The following HNMT variants were observed in gnomAD, a reference collection of about 807,000 sequenced individuals.
The protein encoded by HNMT is histamine N-methyltransferase.
HNMT carries 30 observed loss-of-function variants against 32.1 expected under a neutral mutation model. The observed-to-expected ratio is 0.93, with a 90% CI of 0.70 to 1.27. The LOEUF (loss-of-function observed/expected upper bound fraction) is 1.27, where lower values mean the gene tolerates loss of function less well. HNMT is among the 50% of genes most tolerant of loss of function. The probability of loss-of-function intolerance (pLI) is 0.00; values close to 1 mark genes in which losing one functional copy is unlikely to be tolerated. For missense variants in HNMT, 327 were observed against 346.0 expected (o/e 0.95, Z 0.43); for synonymous variants, 125 against 119.0 (o/e 1.05, Z -0.33).
At chr2:138,007,957 G>T (rs1681377375) in intron 5 of HNMT, among the ~76,000 whole-genome samples, 1 of 151,858 alleles carries the variant, frequency 6.6e-6, no homozygotes, top group South Asian at 2.1e-4. Flanking sequence ...TCAGTGCTAA[G>T]ATGCCACCTC....
intron 2 of HNMT, among the ~76,000 whole-genome samples, chr2:137,992,867 T>C (rs889397972): frequency 6.6e-6 from 1 of 151,882 alleles, no homozygotes; most frequent in African/African-American, 2.4e-5. Flanking sequence ...CCTCTTTGAG[T>C]GACATCTCCA....
chr2:137,996,479 T>C (rs971371066), intron 2 of HNMT, among the ~76,000 whole-genome samples: 1 of 151,182 alleles, frequency 6.6e-6, no homozygotes, highest in Non-Finnish European at 1.5e-5. Flanking sequence ...GCAAAGGACC[T>C]CTTCAAGGAG....
intron 4 of HNMT, chr2:138,002,837 G>A: frequency 1.1e-6 from 1 of 904,558 alleles, no homozygotes; most frequent in Non-Finnish European, 1.3e-6. Flanking sequence ...AATGGTTTGG[G>A]TGGACCAATG....
At chr2:137,968,380 C>G (rs1159241022) in intron 1 of HNMT, among the ~76,000 whole-genome samples, 2 of 152,182 alleles carry the variant, frequency 1.3e-5, no homozygotes, top group Non-Finnish European at 1.5e-5. Flanking sequence ...AAATCACTTA[C>G]ATGTACCTAG....
At chr2:137,964,730 A>T in intron 1 of HNMT, 102 bp downstream of exon 1, 1 of 1,167,128 alleles carries the variant, frequency 8.6e-7, no homozygotes, top group Non-Finnish European at 1.3e-6. Context: ...CACAGGGATA[A>T]GGGCGAATTA....
intron 2 of HNMT, among the ~76,000 whole-genome samples, chr2:137,980,743 A>G (rs192033071): frequency 6.6e-6 from 1 of 152,284 alleles, no homozygotes; most frequent in East Asian, 1.9e-4. Context: ...AAGAATTTAT[A>G]TTTATAACCC....
chr2:137,981,165 T>C (rs774968668), intron 2 of HNMT: 1 of 1,567,602 alleles, frequency 6.4e-7, no homozygotes, highest in Non-Finnish European at 8.7e-7. Context: ...TGAAATCGAA[T>C]GGCAGGAGAT....
Position 138,001,006 on chromosome 2 carries a change from A to G in HNMT, c.279A>G (p.Glu93=), listed in dbSNP as rs1264859183. 6.2e-7 allele frequency: 1 copy of G among 1,603,430 alleles called. No homozygotes were observed. Among genetic ancestry groups the G allele is most frequent in the Admixed American group, 1.7e-5 (1 of 59,064 alleles). ...ATGAAGTTGTTGAGCCAAGTGCTGAACAAATTGCCAAATACAAAGGTACCT... is the reference window on the plus strand; with the variant it reads ...ATGAAGTTGTTGAGCCAAGTGCTGAGCAAATTGCCAAATACAAAGGTACCT... The part of the protein sequence containing the change: ...INNEVVEPSA[E]QIAKYKELVA... Residue 93 remains glutamate (E), a synonymous_variant, in exon 3 of 6, where the codon GAA becomes GAG. Coordinates refer to ENST00000280097, the MANE Select transcript of HNMT (RefSeq NM_006895.3).
intron 2 of HNMT, among the ~76,000 whole-genome samples, chr2:137,993,263 A>C (rs1000793201): frequency 6.6e-6 from 1 of 152,198 alleles, no homozygotes. Context: ...CACTGATCTA[A>C]AGGAGCATGT....
chr2:137,976,286 A>C (rs1680287650), intron 2 of HNMT, among the ~76,000 whole-genome samples: 1 of 151,748 alleles, frequency 6.6e-6, no homozygotes. Flanking sequence ...AAAACAAAAA[A>C]AAAAAAACCT....
At chr2:137,984,892 T>A (rs146277610) in intron 2 of HNMT, among the ~76,000 whole-genome samples, 13 of 152,226 alleles carry the variant, frequency 8.5e-5, no homozygotes, top group African/African-American at 3.1e-4. Flanking sequence ...AAATACCCTA[T>A]GAAAAGCATG....
chr2:137,998,718 TATTTTGCCAACCAGGCCA>T (rs1681070831), intron 2 of HNMT, among the ~76,000 whole-genome samples: 1 of 152,162 alleles, frequency 6.6e-6, no homozygotes, highest in Non-Finnish European at 1.5e-5. Flanking sequence ...GTGCTAGATA[TATTTTGCCAACCAGGCCA>T]ACCTGAAATG....
chr2:137,964,805 G>T (rs1352329815), intron 1 of HNMT, among the ~76,000 whole-genome samples, 177 bp downstream of exon 1: 1 of 152,104 alleles, frequency 6.6e-6, no homozygotes, highest in East Asian at 1.9e-4. Context: ...GCAGTGCTTT[G>T]GTTCCACGTT....
In HNMT at chr2:138,005,665, A is replaced by G. The variant is rs536554861; in HGVS notation, c.523+440A>G. Among the ~76,000 whole-genome samples the G allele has an allele frequency of 2.1e-4, 32 of 152,144 alleles. No homozygotes were observed. The South Asian group carries it at 6.2e-3, about 30-fold the overall frequency. ...TTAATTGACTTGCATTCTTAGAGCC[A>G]TGATCAACACTGCTTGCTATAGGTT... On this transcript the variant is annotated intron_variant, in intron 5 of 5. Transcript: ENST00000280097.
rs1466188286 is a variant in HNMT, at chr2:137,964,983, C to CCATACAT, written c.137+356_137+357insATACATC. Among the ~76,000 whole-genome samples the CCATACAT allele has an allele frequency of 3.3e-5, 5 of 152,256 alleles. 1 individual carries two copies. The South Asian group carries it at 1.0e-3, about 32-fold the overall frequency. Reference sequence around the variant, plus strand: ...TCCAAATTTTACATCCCAAAAAAGTCCCAAAGGGAGTCTGGTATGCTTTTC... The same window carrying CCATACAT: ...TCCAAATTTTACATCCCAAAAAAGTCCATACATCCAAAGGGAGTCTGGTATGCTTTTC... On this transcript the variant is annotated intron_variant, in intron 1 of 5. Transcript: ENST00000280097.
chr2:138,000,275 A>C (rs1401602201), intron 2 of HNMT, among the ~76,000 whole-genome samples: 1 of 152,080 alleles, frequency 6.6e-6, no homozygotes, highest in Non-Finnish European at 1.5e-5. Flanking sequence ...TCCCCCATGA[A>C]GCATCATCAC....
At chr2:137,978,464 A>G (rs1290037895) in intron 2 of HNMT, among the ~76,000 whole-genome samples, 2 of 144,436 alleles carry the variant, frequency 1.4e-5, no homozygotes, top group African/African-American at 5.0e-5. Flanking sequence ...ATAGTATTAT[A>G]CAATACATAT....
At chr2:137,972,551 A>T (rs1212088571) in intron 2 of HNMT, among the ~76,000 whole-genome samples, 1 of 152,250 alleles carries the variant, frequency 6.6e-6, no homozygotes, top group East Asian at 1.9e-4. Flanking sequence ...ACAGACAATG[A>T]AGGGAATTGT....
intron 2 of HNMT, among the ~76,000 whole-genome samples, chr2:137,970,607 G>A (rs939955391): frequency 6.6e-6 from 1 of 152,100 alleles, no homozygotes; most frequent in Non-Finnish European, 1.5e-5. Flanking sequence ...AACTGTTATT[G>A]GTCCATGTGA....
Sources: gnomAD v4.1 joint callset for allele counts (sites outside exome capture counted in the v4.1 genomes callset) on GRCh38, gnomAD v4.1.1 for gene constraint, MANE v1.5 for transcripts, NCBI Gene and HGNC (gene_info 2026-07-23, HGNC 2026-07-21) for gene names.